AACS: variants seen among roughly 807,000 people sequenced by gnomAD.
AACS encodes acetoacetyl-CoA synthetase.
AACS carries 69 observed loss-of-function variants against 83.1 expected under a neutral mutation model. The ratio of observed to expected loss-of-function variants is 0.83; its 90% CI spans 0.68 to 1.01. The LOEUF is 1.01. AACS is among the 50% of genes least tolerant of loss of function. AACS has a pLI of 0.00. For synonymous variants in AACS, 333 were observed against 343.4 expected (o/e 0.97, Z 0.33); for missense variants, 866 against 882.2 (o/e 0.98, Z 0.23).
chr12:125,137,450 G>A (rs1957416917), intron 17 of AACS, among the ~76,000 whole-genome samples: 1 of 152,242 alleles, frequency 6.6e-6, no homozygotes. Flanking sequence ...CCAAAGTGCT[G>A]GGATTACAGG....
rs532414372 is a variant in AACS at position 125,066,286 on chromosome 12, CA to C, written c.133+570del. Among the ~76,000 whole-genome samples, 3 of 151,862 alleles carry C rather than the reference CA, an allele frequency of 2.0e-5. No homozygotes were observed. The South Asian group carries it at 6.3e-4, about 32-fold the overall frequency. ...AGAACCTAGTAAAAGACTCTCTTTC[CA>C]CCCATCACCTTGAACCTCAGAAACT... On this transcript the variant is annotated intron_variant, in intron 1 of 17. Coordinates refer to ENST00000316519, the MANE Select transcript of AACS (RefSeq NM_023928.5).
intron 8 of AACS, among the ~76,000 whole-genome samples, chr12:125,111,142 G>A (rs775417737): frequency 5.9e-5 from 9 of 152,092 alleles, no homozygotes; most frequent in African/African-American, 9.7e-5. Context: ...CTGTCCTGTC[G>A]CTCAAATCGT....
At chr12:125,109,932 A>G (rs868375027) in intron 8 of AACS, among the ~76,000 whole-genome samples, 5 of 151,950 alleles carry the variant, frequency 3.3e-5, no homozygotes, top group African/African-American at 7.3e-5. Flanking sequence ...CCGTGCATCT[A>G]TCGGGGGGAT....
intron 7 of AACS, among the ~76,000 whole-genome samples, chr12:125,104,755 C>T (rs1565940595): frequency 6.6e-6 from 1 of 152,270 alleles, no homozygotes; most frequent in South Asian, 2.1e-4. Context: ...CCTCTCTGAG[C>T]CTTGTGTCTC....
At position 125,128,267 on chromosome 12, in the gene AACS, C is replaced by T. The variant is rs759819477; in HGVS notation, c.1416C>T (p.Asn472=). The T allele has an allele frequency of 9.1e-5, 147 of 1,610,672 alleles. No homozygotes were observed. The highest frequency in any genetic ancestry group is 1.1e-4 in the Non-Finnish European group (131 of 1,177,808). The change falls in exon 13 of 18, where the codon AAC becomes AAT. Residue 472 remains asparagine, a synonymous_variant. Coordinates refer to ENST00000316519, the MANE Select transcript of AACS (RefSeq NM_023928.5). The part of the protein sequence containing the change: ...RNLGMAVEAW[N]EEGKAVWGES... ...TGGGCATGGCCGTGGAAGCGTGGAACGAGGAAGGTGATGGCTCCACCAACT... is the reference window on the plus strand; with the variant it reads ...TGGGCATGGCCGTGGAAGCGTGGAATGAGGAAGGTGATGGCTCCACCAACT...
intron 3 of AACS, 85 bp downstream of exon 3, chr12:125,076,696 A>G (rs1305227311): frequency 3.2e-6 from 5 of 1,562,798 alleles, no homozygotes; most frequent in East Asian, 2.3e-5. Flanking sequence ...TTGGAGAGAT[A>G]GGATTTCTAA....
intron 17 of AACS, chr12:125,139,117 C>T (rs897670284): frequency 3.9e-5 from 6 of 152,204 alleles, no homozygotes; most frequent in African/African-American, 2.4e-5. Flanking sequence ...GCTTCTGTTC[C>T]CTGGGAAGCC....
intron 8 of AACS, among the ~76,000 whole-genome samples, chr12:125,112,134 G>A (rs377156879): frequency 1.6e-4 from 24 of 152,312 alleles, no homozygotes; most frequent in Middle Eastern, 3.4e-3. Flanking sequence ...TTTAGTTCAT[G>A]GAGACAGTTC....
At chr12:125,069,133 G>A (rs183495782) in intron 1 of AACS, among the ~76,000 whole-genome samples, 15 of 152,130 alleles carry the variant, frequency 9.9e-5, no homozygotes, top group Non-Finnish European at 2.1e-4. Flanking sequence ...GAGCCACCGC[G>A]CCCGGCTGTG....
At position 125,137,944 on chromosome 12, in the gene AACS, T is replaced by G. The variant is rs145927588; in HGVS notation, c.1881+1080T>G. On this transcript the variant is annotated intron_variant, in intron 17 of 17. Coordinates refer to ENST00000316519, the MANE Select transcript of AACS (RefSeq NM_023928.5). Reference sequence around the variant, plus strand: ...CTAGAGACAGGATTTACCAGGAGAGTCTGCTTCCTGGAGAATGTTGAAATA... The same window carrying G: ...CTAGAGACAGGATTTACCAGGAGAGGCTGCTTCCTGGAGAATGTTGAAATA... Among the ~76,000 whole-genome samples, 786 of 152,182 alleles carry G rather than the reference T, an allele frequency of 5.2e-3. 12 individuals carry two copies. The highest frequency in any genetic ancestry group is 0.018 in the African/African-American group (740 of 41,514).
At chr12:125,106,974 A>G in intron 7 of AACS, 147 bp from the exon 8 acceptor site, 1 of 1,128,766 alleles carries the variant, frequency 8.9e-7, no homozygotes, top group Non-Finnish European at 1.3e-6. Flanking sequence ...CCCTGGTCCC[A>G]GGAAGTTTCC....
intron 14 of AACS, 64 bp from the exon 15 acceptor site, chr12:125,133,939 G>T: frequency 6.4e-7 from 1 of 1,570,866 alleles, no homozygotes. Flanking sequence ...CCCAGCGTCT[G>T]TCCAGGCAGC....
chr12:125,099,811 G>A (rs1956679694), intron 5 of AACS, among the ~76,000 whole-genome samples: 1 of 152,120 alleles, frequency 6.6e-6, no homozygotes, highest in South Asian at 2.1e-4. Context: ...AAGTAGCAGG[G>A]ATTATAAGCA....
chr12:125,115,539 C>T (rs575203776), intron 9 of AACS, among the ~76,000 whole-genome samples: 9 of 152,310 alleles, frequency 5.9e-5, no homozygotes, highest in African/African-American at 2.2e-4. Context: ...GGATTACAGG[C>T]GTGAGCCACC....
In AACS at chr12:125,134,058, C is replaced by T; in HGVS notation, c.1605C>T (p.Val535=). 1 of 1,614,070 alleles carries T rather than the reference C, an allele frequency of 6.2e-7. No homozygotes were observed. The highest frequency in any genetic ancestry group is 8.5e-7 in the Non-Finnish European group (1 of 1,179,998). The part of the protein sequence containing the change: ...CRINPKTGGI[V]MLGRSDGTLN... Reference sequence around the variant, plus strand: ...TCAACCCCAAGACCGGGGGCATCGTCATGCTTGGCCGGAGGTAAGGGCTGC... The same window carrying T: ...TCAACCCCAAGACCGGGGGCATCGTTATGCTTGGCCGGAGGTAAGGGCTGC... The change falls in exon 15 of 18, where the codon GTC becomes GTT. Residue 535 remains valine, a synonymous_variant. Transcript: ENST00000316519.
chr12:125,082,647 C>G (rs1956221714), intron 3 of AACS, among the ~76,000 whole-genome samples: 1 of 152,124 alleles, frequency 6.6e-6, no homozygotes. Flanking sequence ...ATGGTGAAAG[C>G]CTGTCGCTAC....
In AACS at chr12:125,093,524, C is replaced by T. The variant is rs1014979596; in HGVS notation, c.570+2001C>T. Among the ~76,000 whole-genome samples, 6 of 152,220 alleles carry T rather than the reference C, an allele frequency of 3.9e-5. No homozygotes were observed. In the South Asian group the frequency reaches 6.2e-4, roughly 16 times the overall value. Reference sequence around the variant, plus strand: ...CATGGCTCTGTAGCAAACATGGTCTCGGGGACACTGCTTCCTGGCCGGGGT... The same window carrying T: ...CATGGCTCTGTAGCAAACATGGTCTTGGGGACACTGCTTCCTGGCCGGGGT... On this transcript the variant is annotated intron_variant, in intron 5 of 17. Transcript: ENST00000316519.
chr12:125,129,974 C>T lies in AACS; in HGVS notation c.1549+514C>T, dbSNP rs774380039. Among the ~76,000 whole-genome samples the T allele has an allele frequency of 6.6e-6, 1 of 152,146 alleles. No individual in the cohort carries two copies. Among genetic ancestry groups the T allele is most frequent in the Non-Finnish European group, 1.5e-5 (1 of 68,024 alleles). On this transcript the variant is annotated intron_variant, in intron 14 of 17. Transcript: ENST00000316519. This position sits in a 1 kb window ranked among gnomAD's most constrained non-coding sequence, Gnocchi z 4.3. Reference sequence around the variant, plus strand: ...CACATAGACTGACACCCTTGGGTGTCGTCTTTTGAGTGGTGCCTTGCCCCA... The same window carrying T: ...CACATAGACTGACACCCTTGGGTGTTGTCTTTTGAGTGGTGCCTTGCCCCA...
At chr12:125,128,655 A>C (rs1289864161) in intron 13 of AACS, 1 of 167,432 alleles carries the variant, frequency 6.0e-6, no homozygotes, top group Non-Finnish European at 1.3e-5. Context: ...GGCAGCTAGA[A>C]ATCCAGCTGT....
Sources: gnomAD v4.1 joint callset for allele counts (sites outside exome capture counted in the v4.1 genomes callset) on GRCh38, gnomAD v4.1.1 for gene constraint, Gnocchi (gnomAD v3.1) non-coding constraint, MANE v1.5 for transcripts, NCBI Gene and HGNC (gene_info 2026-07-23, HGNC 2026-07-21) for gene names.